Variants in NR3C2 observed in about 807,000 individuals in gnomAD.
NR3C2 encodes mineralocorticoid receptor.
NR3C2 carries 15 observed loss-of-function variants against 86.4 expected under a neutral mutation model. That is an observed-to-expected ratio of 0.17 (90% CI 0.12 to 0.27). The LOEUF (loss-of-function observed/expected upper bound fraction) is 0.27. Ranked by LOEUF, NR3C2 falls within the 10% of genes least tolerant of loss-of-function variation. The probability of loss-of-function intolerance (pLI) is 1.00; values close to 1 mark genes in which losing one functional copy is unlikely to be tolerated. For missense variants in NR3C2, 960 were observed against 1,195.6 expected, an observed-to-expected ratio of 0.80 and a Z score of 2.91; for synonymous variants, 458 against 450.5, an observed-to-expected ratio of 1.02 and a Z score of -0.21.
chr4:148,422,034 T>C (rs1749306081), intron 2 of NR3C2, among the ~76,000 whole-genome samples: 1 of 152,108 alleles, frequency 6.6e-6, no homozygotes, highest in Admixed American at 6.5e-5. Context: ...GTAGGAGCTT[T>C]AGGTTTTCAC....
chr4:148,302,833 C>T (rs1196928349), intron 2 of NR3C2, among the ~76,000 whole-genome samples: 14 of 125,576 alleles, frequency 1.1e-4, no homozygotes, highest in African/African-American at 3.9e-4. Flanking sequence ...GCTACAAGAG[C>T]GAAACTCCGT....
At position 148,205,897 on chromosome 4, in the gene NR3C2, A is replaced by G. The variant is rs148631841; in HGVS notation, c.1898-11035T>C. Among the ~76,000 whole-genome samples, 24 of 152,318 alleles carry G rather than the reference A, an allele frequency of 1.6e-4. No homozygotes were observed. The South Asian group carries it at 3.1e-3, about 20-fold the overall frequency. On this transcript the variant is annotated intron_variant, in intron 3 of 8. Transcript: ENST00000358102. The stretch of plus-strand genomic sequence containing the variant: ...ACACTAAAAAAAAAATGTTGTCAGA[A>G]GGCATCATATATTTTGGGATGGGTG...
At position 148,194,974 on chromosome 4, in the gene NR3C2, CA is replaced by C. The variant is rs1175882248; in HGVS notation, c.1898-113del. On this transcript the variant is annotated intron_variant, in intron 3 of 8. Coordinates refer to ENST00000358102, the MANE Select transcript of NR3C2 (RefSeq NM_000901.5). ...CTTTCCTGCCTTGAAATCTCTTTCTCAAAAAAGTAAAAGTACATGATTTGTG... is the reference window on the plus strand; with the variant it reads ...CTTTCCTGCCTTGAAATCTCTTTCTCAAAAAGTAAAAGTACATGATTTGTG... The C allele has an allele frequency of 1.6e-5, 13 of 823,826 alleles. No individual in the cohort carries two copies. In the Admixed American group the frequency reaches 2.8e-4, roughly 18 times the overall value. The allele number at this position is 823,826 out of a possible 1,614,324, so 51.0% of individuals were successfully genotyped here.
rs1163859709 is a variant in NR3C2, at chr4:148,435,617, C to T, written c.1244G>A (p.Ser415Asn). 4 of 1,614,004 alleles carry T rather than the reference C, an allele frequency of 2.5e-6. No homozygotes were observed. Among genetic ancestry groups the T allele is most frequent in the Admixed American group, 3.3e-5 (2 of 59,994 alleles). Residue 415 changes from serine to asparagine, a missense_variant, in exon 2 of 9, where the codon AGC becomes AAC. Ser to Asn is a conservative substitution (Grantham distance 46). Coordinates refer to ENST00000358102, the MANE Select transcript of NR3C2 (RefSeq NM_000901.5). ...AFSSSCLGGN[S>N]KINSDSSFSV... ...GAATGAAGAATCCGAATTTATTTTG[C>T]TATTTCCTCCTAGACATGAGCTGCT...
At chr4:148,154,526 C>G in intron 5 of NR3C2, 25 bp downstream of exon 5, 1 of 1,607,578 alleles carries the variant, frequency 6.2e-7, no homozygotes, top group Non-Finnish European at 8.5e-7. Flanking sequence ...CAGGATGCAG[C>G]CTGTGAAAGG....
At chr4:148,085,070 C>T (rs1730750378) in intron 8 of NR3C2, among the ~76,000 whole-genome samples, 1 of 151,968 alleles carries the variant, frequency 6.6e-6, no homozygotes, top group Admixed American at 6.6e-5. Flanking sequence ...CTTTAACACC[C>T]CACTGTCAAT....
chr4:148,273,648 G>C (rs1579092494), intron 2 of NR3C2, among the ~76,000 whole-genome samples: 1 of 152,162 alleles, frequency 6.6e-6, no homozygotes, highest in Non-Finnish European at 1.5e-5. Flanking sequence ...ACAAGGACAG[G>C]AGGGAACTTA....
chr4:148,361,752 A>G (rs532027914), intron 2 of NR3C2, among the ~76,000 whole-genome samples: 1 of 152,266 alleles, frequency 6.6e-6, no homozygotes, highest in Non-Finnish European at 1.5e-5. Context: ...CTTACTTTTA[A>G]TGGTTACTGA....
intron 6 of NR3C2, among the ~76,000 whole-genome samples, chr4:148,132,418 T>A (rs1023082550): frequency 6.6e-6 from 1 of 152,140 alleles, no homozygotes; most frequent in Non-Finnish European, 1.5e-5. Flanking sequence ...GAGCAAACTA[T>A]AGGAGATTAA....
rs76897430 is a variant in NR3C2, at chr4:148,292,331, C to T, written c.1758-32214G>A. ...ATTCTGGTTCTAGATTTACCTCTTA[C>T]GCTTTCTTAATTGAAATGCTACCTG... On this transcript the variant is annotated intron_variant, in intron 2 of 8. Transcript: ENST00000358102. Among the ~76,000 whole-genome samples the T allele has an allele frequency of 3.5e-4, 53 of 152,048 alleles. No homozygotes were observed. In the East Asian group the frequency reaches 3.9e-3, roughly 11 times the overall value.
intron 1 of NR3C2, 106 bp from the exon 2 acceptor site, chr4:148,436,968 T>C (rs1385631002): frequency 7.6e-5 from 67 of 885,170 alleles, no homozygotes; most frequent in Non-Finnish European, 1.1e-4. Context: ...ATTCTACTTA[T>C]TATGAGCAAC....
intron 2 of NR3C2, among the ~76,000 whole-genome samples, chr4:148,383,162 C>T (rs1041063443): frequency 7.2e-5 from 11 of 152,114 alleles, no homozygotes; most frequent in Non-Finnish European, 1.6e-4. Flanking sequence ...AATGTCATCA[C>T]ACTACATGTT....
chr4:148,279,226 C>G (rs910675687), intron 2 of NR3C2, among the ~76,000 whole-genome samples: 2 of 151,988 alleles, frequency 1.3e-5, no homozygotes, highest in Non-Finnish European at 2.9e-5. Context: ...CAAGTACTGT[C>G]AAAGGGTGAA....
At chr4:148,355,179 A>T (rs969778362) in intron 2 of NR3C2, among the ~76,000 whole-genome samples, 3 of 152,176 alleles carry the variant, frequency 2.0e-5, no homozygotes, top group African/African-American at 7.2e-5. Context: ...CATCAGAATG[A>T]TATCTACTTA....
chr4:148,170,969 G>A lies in NR3C2; in HGVS notation c.2015-16068C>T, dbSNP rs370015540. 3.9e-5 allele frequency among the ~76,000 whole-genome samples: 6 copies of A among 152,298 alleles called. No individual in the cohort carries two copies. In the South Asian group the frequency reaches 1.2e-3, roughly 32 times the overall value. On this transcript the variant is annotated intron_variant, in intron 4 of 8. Transcript: ENST00000358102. ...TGACTGACAAGCACATATCCTGAATGTTATTACACTCATAAAAAAATGAGT... is the reference window on the plus strand; with the variant it reads ...TGACTGACAAGCACATATCCTGAATATTATTACACTCATAAAAAAATGAGT...
At chr4:148,318,061 T>C (rs1449312501) in intron 2 of NR3C2, among the ~76,000 whole-genome samples, 1 of 135,306 alleles carries the variant, frequency 7.4e-6, no homozygotes, top group East Asian at 2.3e-4. Flanking sequence ...GAGTGTGATA[T>C]TCCCCTTCCT....
intron 8 of NR3C2, among the ~76,000 whole-genome samples, chr4:148,108,926 G>A (rs904124886): frequency 9.2e-5 from 14 of 152,200 alleles, no homozygotes; most frequent in Non-Finnish European, 1.5e-4. Context: ...TGGAGCGCCG[G>A]AGGGTGGTGC....
At chr4:148,351,971 G>C (rs1579194192) in intron 2 of NR3C2, among the ~76,000 whole-genome samples, 1 of 152,100 alleles carries the variant, frequency 6.6e-6, no homozygotes, top group East Asian at 1.9e-4. Context: ...TGAAAAAGTA[G>C]GTAGATTAAT....
chr4:148,155,075 G>A (rs1438204471), intron 4 of NR3C2, among the ~76,000 whole-genome samples, 174 bp from the exon 5 acceptor site: 1 of 152,004 alleles, frequency 6.6e-6, no homozygotes, highest in Non-Finnish European at 1.5e-5. Flanking sequence ...ACTTACTATT[G>A]GTATTAAGAG....
Sources: allele counts gnomAD v4.1 joint callset (sites outside exome capture counted in the v4.1 genomes callset), GRCh38; gene constraint gnomAD v4.1.1; transcripts MANE v1.5; gene names NCBI Gene and HGNC (gene_info 2026-07-23, HGNC 2026-07-21).